The following TGFA variants were observed in gnomAD, a reference collection of about 807,000 sequenced individuals.
TGFA encodes the protein protransforming growth factor alpha.
Under a neutral mutation model 21.7 loss-of-function variants are expected in TGFA, and 12 were observed. That is an observed-to-expected ratio of 0.55 (90% CI 0.35 to 0.90). The LOEUF (loss-of-function observed/expected upper bound fraction) is 0.90, where lower values mean the gene tolerates loss of function less well. Ranked by LOEUF, TGFA falls within the 40% of genes least tolerant of loss-of-function variation. TGFA has a pLI of 0.01. For missense variants in TGFA, 178 were observed against 210.8 expected (o/e 0.84, Z 0.96); for synonymous variants, 79 against 88.1 (o/e 0.90, Z 0.58).
chr2:70,489,685 G>T (rs1422363466), intron 2 of TGFA, among the ~76,000 whole-genome samples: 1 of 152,214 alleles, frequency 6.6e-6, no homozygotes, highest in Non-Finnish European at 1.5e-5. Flanking sequence ...AACCTGTGTG[G>T]CATTTTATAC....
At chr2:70,550,800 G>A (rs1172875798) in intron 1 of TGFA, among the ~76,000 whole-genome samples, 1 of 152,212 alleles carries the variant, frequency 6.6e-6, no homozygotes, top group Non-Finnish European at 1.5e-5. Context: ...CAGCCTGGGA[G>A]ACAGAGCGAG....
chr2:70,459,081 C>T (rs782054311), intron 3 of TGFA, among the ~76,000 whole-genome samples: 21 of 152,156 alleles, frequency 1.4e-4, no homozygotes, highest in South Asian at 4.1e-4. Flanking sequence ...AAAGTCTCAG[C>T]GTATAGGAAG....
chr2:70,515,481 CG>C (rs1295394354), intron 1 of TGFA, among the ~76,000 whole-genome samples: 2 of 152,114 alleles, frequency 1.3e-5, no homozygotes, highest in African/African-American at 4.8e-5. Context: ...AGCTGGCAGC[CG>C]GGCCAATGTG....
At chr2:70,495,371 A>G (rs1053729826) in intron 2 of TGFA, among the ~76,000 whole-genome samples, 2 of 152,250 alleles carry the variant, frequency 1.3e-5, no homozygotes, top group African/African-American at 4.8e-5. Flanking sequence ...TCCACATTTT[A>G]CATGAGCATT....
At chr2:70,518,352 CT>C (rs1672350487) in intron 1 of TGFA, among the ~76,000 whole-genome samples, 1 of 152,210 alleles carries the variant, frequency 6.6e-6, no homozygotes, top group Non-Finnish European at 1.5e-5. Flanking sequence ...GAAGAAAACC[CT>C]TATGAAAGGC....
At chr2:70,467,044 G>A (rs1670588249) in intron 2 of TGFA, among the ~76,000 whole-genome samples, 1 of 151,950 alleles carries the variant, frequency 6.6e-6, no homozygotes, top group Non-Finnish European at 1.5e-5. Context: ...CCCTTTTGGG[G>A]GAGGGTGTTG....
chr2:70,476,360 C>T (rs782684160), intron 2 of TGFA, among the ~76,000 whole-genome samples: 9 of 152,132 alleles, frequency 5.9e-5, no homozygotes, highest in Non-Finnish European at 1.3e-4. Flanking sequence ...TGGCTTTGAA[C>T]GAGAATGTGA....
chr2:70,509,327 C>T (rs1422143719), intron 2 of TGFA, among the ~76,000 whole-genome samples: 1 of 152,228 alleles, frequency 6.6e-6, no homozygotes, highest in African/African-American at 2.4e-5. Context: ...CTGGCTGACA[C>T]ACGTTCTACC....
intron 1 of TGFA, among the ~76,000 whole-genome samples, chr2:70,548,985 A>G (rs1673399999): frequency 6.6e-6 from 1 of 152,206 alleles, no homozygotes; most frequent in African/African-American, 2.4e-5. Context: ...AAAGTCTCCC[A>G]ATCTTCCTCT....
intron 5 of TGFA, 26 bp from the exon 6 acceptor site, chr2:70,450,892 G>A (rs1670033513): frequency 6.2e-7 from 1 of 1,603,814 alleles, no homozygotes; most frequent in African/African-American, 1.3e-5. Flanking sequence ...AACAGGTTAA[G>A]CACTGTGGGC....
At chr2:70,496,438 A>G (rs576809338) in intron 2 of TGFA, among the ~76,000 whole-genome samples, 2 of 149,768 alleles carry the variant, frequency 1.3e-5, no homozygotes, top group Non-Finnish European at 3.0e-5. Context: ...GGAAAAAAAA[A>G]CAGAATACTT....
intron 5 of TGFA, among the ~76,000 whole-genome samples, chr2:70,452,576 A>G (rs1670090685): frequency 6.6e-6 from 1 of 152,140 alleles, no homozygotes; most frequent in Non-Finnish European, 1.5e-5. Flanking sequence ...AGTGCCTACA[A>G]TTGGGTGATA....
chr2:70,498,285 T>C (rs1671635321), intron 2 of TGFA, among the ~76,000 whole-genome samples: 1 of 152,260 alleles, frequency 6.6e-6, no homozygotes, highest in African/African-American at 2.4e-5. Context: ...AGAATATGGA[T>C]TCCTTATGCT....
chr2:70,484,281 AT>A (rs1553496215), intron 2 of TGFA, among the ~76,000 whole-genome samples: 1 of 152,226 alleles, frequency 6.6e-6, no homozygotes, highest in Admixed American at 6.5e-5. Flanking sequence ...GCATGCTGAG[AT>A]TTCCAGAAAA....
chr2:70,473,809 AC>A (rs1241099323), intron 2 of TGFA, among the ~76,000 whole-genome samples: 1 of 152,130 alleles, frequency 6.6e-6, no homozygotes, highest in Non-Finnish European at 1.5e-5. Flanking sequence ...AGCCTGCAGT[AC>A]CATCATTTAA....
chr2:70,506,285 C>T (rs942749711), intron 2 of TGFA, among the ~76,000 whole-genome samples: 4 of 152,188 alleles, frequency 2.6e-5, no homozygotes, highest in African/African-American at 9.6e-5. Context: ...ACTGTCCGGC[C>T]GAGGTAAAGC....
intron 2 of TGFA, among the ~76,000 whole-genome samples, chr2:70,508,732 T>A (rs1365313317): frequency 6.6e-6 from 1 of 152,206 alleles, no homozygotes; most frequent in Non-Finnish European, 1.5e-5. Flanking sequence ...CTTTTAAAAA[T>A]GTTGATTATG....
chr2:70,546,755 A>G (rs1030364475), intron 1 of TGFA, among the ~76,000 whole-genome samples: 1 of 151,762 alleles, frequency 6.6e-6, no homozygotes, highest in East Asian at 1.9e-4. Flanking sequence ...GAGTCTCACT[A>G]TGTTGCCCAG....
chr2:70,476,774 T>C (rs186404693), intron 2 of TGFA, among the ~76,000 whole-genome samples: 58 of 152,300 alleles, frequency 3.8e-4, no homozygotes, highest in East Asian at 3.5e-3. Flanking sequence ...AATACAGAGG[T>C]AAATTTAAGG....
Sources: allele counts gnomAD v4.1 joint callset (sites outside exome capture counted in the v4.1 genomes callset), GRCh38; gene constraint gnomAD v4.1.1; transcripts MANE v1.5; gene names NCBI Gene and HGNC (gene_info 2026-07-23, HGNC 2026-07-21).